GRM1: variants seen among roughly 807,000 people sequenced by gnomAD.
GRM1 encodes metabotropic glutamate receptor 1.
Under a neutral mutation model 90.9 loss-of-function variants are expected in GRM1, and 33 were observed. The observed-to-expected ratio is 0.36, with a 90% CI of 0.28 to 0.49. The LOEUF (loss-of-function observed/expected upper bound fraction) is 0.49. GRM1 is among the 20% of genes least tolerant of loss of function. GRM1 has a pLI of 0.99. For synonymous variants in GRM1, 700 were observed against 613.2 expected, an observed-to-expected ratio of 1.14 and a Z score of -2.09; for missense variants, 1,190 against 1,534.3, an observed-to-expected ratio of 0.78 and a Z score of 3.75.
chr6:146,382,164 G>A (rs529858051), intron 5 of GRM1, among the ~76,000 whole-genome samples: 7 of 152,110 alleles, frequency 4.6e-5, no homozygotes, highest in Non-Finnish European at 8.8e-5. Context: ...GACATAAAAA[G>A]CATTTTATTG....
chr6:146,157,369 AAAG>A (rs1332119093), intron 1 of GRM1, among the ~76,000 whole-genome samples: 1 of 152,230 alleles, frequency 6.6e-6, no homozygotes, highest in Non-Finnish European at 1.5e-5. Flanking sequence ...GATCTTGACA[AAAG>A]AAGATTTTGA....
intron 5 of GRM1, among the ~76,000 whole-genome samples, chr6:146,363,814 C>T (rs528329223): frequency 6.6e-6 from 1 of 152,306 alleles, no homozygotes; most frequent in Admixed American, 6.5e-5. Context: ...TTATCATTTC[C>T]ACTTTGCAGT....
intron 2 of GRM1, among the ~76,000 whole-genome samples, chr6:146,281,447 T>A (rs969032329): frequency 1.3e-5 from 2 of 152,212 alleles, no homozygotes; most frequent in African/African-American, 4.8e-5. Context: ...CTTTTCCCAC[T>A]GAGCGAACTC....
rs1328940422 is a variant in GRM1 at position 146,152,275 on chromosome 6, C to T, written c.701-7073C>T. ...AATACCTCTTATGGATTCACATTCA[C>T]TCCCATTCACCCTGAATGCCAATGC... On this transcript the variant is annotated intron_variant, in intron 1 of 7. Coordinates refer to ENST00000282753, the MANE Select transcript of GRM1 (RefSeq NM_001278064.2). Among the ~76,000 whole-genome samples, 7 of 152,060 alleles carry T rather than the reference C, an allele frequency of 4.6e-5. No homozygotes were observed. The East Asian group carries it at 1.2e-3, about 25-fold the overall frequency.
chr6:146,057,634 C>T (rs554274581), intron 1 of GRM1, among the ~76,000 whole-genome samples: 1 of 152,164 alleles, frequency 6.6e-6, no homozygotes, highest in African/African-American at 2.4e-5. Context: ...AATAAAGCAG[C>T]TTGTTGAATC....
chr6:146,322,694 T>G (rs1194347487), intron 3 of GRM1, among the ~76,000 whole-genome samples: 3 of 152,084 alleles, frequency 2.0e-5, no homozygotes, highest in African/African-American at 7.3e-5. Context: ...GTTGGTGTGC[T>G]GCACCCATTA....
intron 7 of GRM1, among the ~76,000 whole-genome samples, chr6:146,430,592 T>C (rs1217066717): frequency 1.3e-5 from 2 of 152,364 alleles, no homozygotes; most frequent in East Asian, 3.8e-4. Context: ...CGATTAAAGT[T>C]ATCTGGGATT....
At chr6:146,378,108 G>T (rs1226379121) in intron 5 of GRM1, among the ~76,000 whole-genome samples, 2 of 152,192 alleles carry the variant, frequency 1.3e-5, no homozygotes, top group Non-Finnish European at 2.9e-5. Context: ...GATTTCAGAG[G>T]ATACATGGAA....
At chr6:146,233,478 T>C (rs572957606) in intron 2 of GRM1, among the ~76,000 whole-genome samples, 1 of 152,270 alleles carries the variant, frequency 6.6e-6, no homozygotes, top group Admixed American at 6.5e-5. Context: ...ATATGTCCTA[T>C]TAATTTTGGT....
intron 7 of GRM1, among the ~76,000 whole-genome samples, chr6:146,423,454 G>A (rs1186458931): frequency 7.1e-6 from 1 of 141,542 alleles, no homozygotes; most frequent in Non-Finnish European, 1.5e-5. Context: ...GGATCATAAA[G>A]GAGATGCTCT....
rs1020325214 is a variant in GRM1, at chr6:146,038,939, CT to C, written c.700+8730del. Among the ~76,000 whole-genome samples, 149 of 151,342 alleles carry C rather than the reference CT, an allele frequency of 9.8e-4. 1 individual carries two copies. The highest frequency in any genetic ancestry group is 3.5e-3 in the African/African-American group (143 of 41,286). ...GCTTATAATAAAGAAATTCAATATC[CT>C]TTTTTTTCGATAAATAAATACATTA... On this transcript the variant is annotated intron_variant, in intron 1 of 7. Transcript: ENST00000282753.
In GRM1 at chr6:146,434,654, C is replaced by T; in HGVS notation, c.3443C>T (p.Pro1148Leu). The T allele has an allele frequency of 1.2e-6, 2 of 1,609,382 alleles. No homozygotes were observed. Among genetic ancestry groups the T allele is most frequent in the Non-Finnish European group, 1.7e-6 (2 of 1,180,012 alleles). The change falls in exon 8 of 8, where the codon CCG becomes CTG. Residue 1148 changes from proline to leucine, a missense_variant. Pro to Leu is a moderately conservative substitution (Grantham distance 98, BLOSUM62 -3). Coordinates refer to ENST00000282753, the MANE Select transcript of GRM1 (RefSeq NM_001278064.2). ...GATGATTCGCCTGCGCTGACGCCTC[C>T]GTCGCCTTTCCGCGACTCGGTGGCC... The part of the protein sequence containing the change: ...TPDDSPALTP[P>L]SPFRDSVASG...
At chr6:146,347,482 T>A (rs952617254) in intron 3 of GRM1, among the ~76,000 whole-genome samples, 1 of 152,212 alleles carries the variant, frequency 6.6e-6, no homozygotes, top group Non-Finnish European at 1.5e-5. Flanking sequence ...AGAATTAATA[T>A]GTACATTTAG....
At chr6:146,041,275 T>G (rs573023542) in intron 1 of GRM1, among the ~76,000 whole-genome samples, 10 of 152,054 alleles carry the variant, frequency 6.6e-5, no homozygotes, top group Non-Finnish European at 1.5e-4. Flanking sequence ...TTTACCCATT[T>G]GGGAAGGTTA....
chr6:146,393,991 C>T (rs558209002), intron 6 of GRM1, among the ~76,000 whole-genome samples: 30 of 152,188 alleles, frequency 2.0e-4, no homozygotes, highest in African/African-American at 6.7e-4. Flanking sequence ...TTTGACAAAC[C>T]TGACAAAAAC....
intron 6 of GRM1, among the ~76,000 whole-genome samples, chr6:146,394,191 G>A (rs1776844051): frequency 6.6e-6 from 1 of 152,062 alleles, no homozygotes; most frequent in Non-Finnish European, 1.5e-5. Context: ...TACCATTCAG[G>A]ACATAGGCAT....
intron 1 of GRM1, among the ~76,000 whole-genome samples, chr6:146,100,218 T>C (rs1426689474): frequency 6.6e-6 from 1 of 152,216 alleles, no homozygotes; most frequent in Non-Finnish European, 1.5e-5. Flanking sequence ...TACTCTTCTA[T>C]TGAAGTATTG....
chr6:146,255,881 C>G (rs1391870845), intron 2 of GRM1, among the ~76,000 whole-genome samples: 1 of 152,050 alleles, frequency 6.6e-6, no homozygotes. Flanking sequence ...CAAGCATTCA[C>G]TCTTCAATCT....
Position 146,357,709 on chromosome 6 carries a change from C to T in GRM1, c.1602+15C>T. The T allele has an allele frequency of 6.2e-7, 1 of 1,607,192 alleles. No individual in the cohort carries two copies. Among genetic ancestry groups the T allele is most frequent in the Non-Finnish European group, 8.5e-7 (1 of 1,173,918 alleles). On this transcript the variant is annotated intron_variant, in intron 5 of 7. Transcript: ENST00000282753. ...GCCAGATTAAGGTAAGCCACAAATG[C>T]ATTCTTGCATGGTATCTGTGAGGAG... is the stretch of plus-strand genomic sequence containing the variant.
Sources: allele counts gnomAD v4.1 joint callset (sites outside exome capture counted in the v4.1 genomes callset), GRCh38; gene constraint gnomAD v4.1.1; transcripts MANE v1.5; gene names NCBI Gene and HGNC (gene_info 2026-07-23, HGNC 2026-07-21).